Variants in MAPK8IP3 observed in about 807,000 individuals in gnomAD.
MAPK8IP3 encodes the protein mitogen-activated protein kinase 8 interacting protein 3.
A neutral mutation model predicts 157.8 loss-of-function variants in MAPK8IP3; 49 were observed. That is an observed-to-expected ratio of 0.31 (90% confidence interval 0.25 to 0.39). The LOEUF (loss-of-function observed/expected upper bound fraction) is 0.39, where lower values mean the gene tolerates loss of function less well. Among genes scored for constraint, MAPK8IP3 ranks in the 10% least tolerant of loss-of-function variants. MAPK8IP3 has a pLI of 1.00. For synonymous variants in MAPK8IP3, 897 were observed against 777.7 expected, an observed-to-expected ratio of 1.15 and a Z score of -2.55; for missense variants, 1,478 against 1,889.4, an observed-to-expected ratio of 0.78 and a Z score of 4.04.
intron 10 of MAPK8IP3, among the ~76,000 whole-genome samples, chr16:1,759,539 C>T (rs1384303168): frequency 1.3e-5 from 2 of 152,196 alleles, no homozygotes; most frequent in Non-Finnish European, 2.9e-5. Flanking sequence ...CCCATCGCCG[C>T]ACCCCAGCCC....
chr16:1,726,865 G>A (rs1038390994), intron 2 of MAPK8IP3, among the ~76,000 whole-genome samples: 8 of 152,236 alleles, frequency 5.3e-5, no homozygotes, highest in Non-Finnish European at 8.8e-5. Context: ...GGCCACAGCC[G>A]TTGCCGGGGT....
chr16:1,737,331 TCCGTGTGAGC>T (rs2040036401), intron 4 of MAPK8IP3, among the ~76,000 whole-genome samples: 1 of 101,774 alleles, frequency 9.8e-6, no homozygotes, highest in Admixed American at 9.8e-5. Flanking sequence ...CGTGTGAGCA[TCCGTGTGAGC>T]GTGACCGTCC....
chr16:1,763,915 G>A (rs1360189235), intron 17 of MAPK8IP3, 132 bp downstream of exon 17: 3 of 1,050,144 alleles, frequency 2.9e-6, no homozygotes, highest in Non-Finnish European at 4.0e-6. Context: ...GTGGGGCGGG[G>A]CCTGGCAGGT....
intron 4 of MAPK8IP3, among the ~76,000 whole-genome samples, chr16:1,729,794 C>T (rs985580178): frequency 1.1e-4 from 16 of 152,116 alleles, no homozygotes; most frequent in African/African-American, 3.6e-4. Flanking sequence ...ATGTGTCGAG[C>T]CCGTGTGTCC....
intron 4 of MAPK8IP3, among the ~76,000 whole-genome samples, chr16:1,730,675 C>A (rs2039248829): frequency 1.3e-5 from 2 of 152,122 alleles, no homozygotes; most frequent in African/African-American, 4.8e-5. Flanking sequence ...AACCCCATCT[C>A]TACTAAAAAT....
intron 4 of MAPK8IP3, among the ~76,000 whole-genome samples, chr16:1,738,499 C>G (rs373974969): frequency 2.0e-5 from 2 of 100,760 alleles, no homozygotes; most frequent in African/African-American, 8.4e-5. Context: ...TGTGACCGTC[C>G]GTGTGTGTGA....
rs142305896 is a variant in MAPK8IP3, at chr16:1,754,589, T to C, written c.1217-3559T>C. 5.0e-3 allele frequency among the ~76,000 whole-genome samples: 767 copies of C among 152,206 alleles called. 2 individuals are homozygous for C. The highest frequency in any genetic ancestry group is 0.014 in the Middle Eastern group (4 of 294). ...GAGTTCGAGACCACTCTGGCCGACG[T>C]GGTGAAACCCCATCTCTACTAAAAA... On this transcript the variant is annotated intron_variant, in intron 8 of 31. Transcript: ENST00000610761.
In MAPK8IP3 at chr16:1,741,444, A is replaced by G. The variant is rs911086842; in HGVS notation, c.603-1888A>G. ...GGAGCTGTGTGGGTGGGAGAGCCGT[A>G]CATGCATTCCCTTGGCCTCCTGGGA... On this transcript the variant is annotated intron_variant, in intron 4 of 31. Coordinates refer to ENST00000610761, the MANE Select transcript of MAPK8IP3 (RefSeq NM_001318852.2). The surrounding 1 kb of genome is among the most constrained non-coding windows in gnomAD (Gnocchi z 6.9). Among the ~76,000 whole-genome samples, 1 of 152,124 alleles carries G rather than the reference A, an allele frequency of 6.6e-6. No individual in the cohort carries two copies. Among genetic ancestry groups the G allele is most frequent in the Non-Finnish European group, 1.5e-5 (1 of 68,006 alleles).
In MAPK8IP3 at chr16:1,767,852, G is replaced by A. The variant is rs1184065160; in HGVS notation, c.3457G>A (p.Val1153Ile). 1.9e-6 allele frequency: 3 copies of A among 1,611,410 alleles called. No homozygotes were observed. The highest frequency in any genetic ancestry group is 2.5e-6 in the Non-Finnish European group (3 of 1,179,930). ...CTTCGTACGCATCACGGCCCTGCTT[G>A]TCGCGGGCAGCCGGCTCTGGGTGGG... ...FSFVRITALL[V>I]AGSRLWVGTG... The change falls in exon 28 of 32, where the codon GTC becomes ATC. Residue 1153 changes from valine to isoleucine, a missense_variant. Val to Ile is a conservative substitution (Grantham distance 29). This residue lies in a region of MAPK8IP3 where 68 missense variants were observed against 125.1 expected (regional missense o/e 0.54). Transcript: ENST00000610761.
At chr16:1,721,102 C>A (rs2038488822) in intron 1 of MAPK8IP3, among the ~76,000 whole-genome samples, 1 of 151,540 alleles carries the variant, frequency 6.6e-6, no homozygotes, top group South Asian at 2.1e-4. Flanking sequence ...CTTGGGAAGG[C>A]CGAGGCGGGT....
At position 1,710,262 on chromosome 16, in the gene MAPK8IP3, A is replaced by G. The variant is rs1304100968; in HGVS notation, c.318+3605A>G. ...CTCCTCATCTCAGGTCAGGAGTTTG[A>G]GACCAGCCTGGCGAACCTGGCGAAA... On this transcript the variant is annotated intron_variant, in intron 1 of 31. Coordinates refer to ENST00000610761, the MANE Select transcript of MAPK8IP3 (RefSeq NM_001318852.2). The surrounding 1 kb of genome is among the most constrained non-coding windows in gnomAD (Gnocchi z 4.1). Among the ~76,000 whole-genome samples the G allele has an allele frequency of 6.6e-6, 1 of 151,444 alleles. No homozygotes were observed. The highest frequency in any genetic ancestry group is 2.4e-5 in the African/African-American group (1 of 41,206).
At chr16:1,730,477 C>T (rs535379937) in intron 4 of MAPK8IP3, among the ~76,000 whole-genome samples, 11 of 151,916 alleles carry the variant, frequency 7.2e-5, no homozygotes, top group African/African-American at 1.7e-4. Context: ...CAGTGGCTCA[C>T]GCCTGTCATT....
intron 5 of MAPK8IP3, chr16:1,744,669 G>T (rs887729160): frequency 4.1e-6 from 4 of 985,414 alleles, no homozygotes; most frequent in Non-Finnish European, 2.4e-6. Context: ...AGCCTCAGCC[G>T]GGGGGAGCCC....
chr16:1,747,282 G>T lies in MAPK8IP3; in HGVS notation c.994+7G>T. 2 of 1,610,888 alleles carry T rather than the reference G, an allele frequency of 1.2e-6. No individual in the cohort carries two copies. Among genetic ancestry groups the T allele is most frequent in the Non-Finnish European group, 1.7e-6 (2 of 1,178,064 alleles). On this transcript the variant is annotated splice_region_variant and intron_variant, in intron 6 of 31. Transcript: ENST00000610761. ...ATGCGCAACGTCAGTATAGGTGGGTGCCCACCTCCGGGACTCTGGGCTCCC... is the reference window on the plus strand; with the variant it reads ...ATGCGCAACGTCAGTATAGGTGGGTTCCCACCTCCGGGACTCTGGGCTCCC...
chr16:1,735,882 CTG>C (rs746484115), intron 4 of MAPK8IP3, among the ~76,000 whole-genome samples: 1 of 128,878 alleles, frequency 7.8e-6, no homozygotes, highest in African/African-American at 3.0e-5. Flanking sequence ...CATGGAGCAT[CTG>C]TGTGACTGTC....
rs552565548 is a variant in MAPK8IP3, at chr16:1,749,489, C to T, written c.1216+769C>T. Among the ~76,000 whole-genome samples the T allele has an allele frequency of 3.9e-5, 6 of 152,056 alleles. No individual in the cohort carries two copies. In the South Asian group the frequency reaches 1.2e-3, roughly 31 times the overall value. ...GCAGACAGCCCTGGCTTCACCTCAGCGCCACAGGTCTACACCGGACCCCTG... is the reference window on the plus strand; with the variant it reads ...GCAGACAGCCCTGGCTTCACCTCAGTGCCACAGGTCTACACCGGACCCCTG... On this transcript the variant is annotated intron_variant, in intron 8 of 31. Coordinates refer to ENST00000610761, the MANE Select transcript of MAPK8IP3 (RefSeq NM_001318852.2).
rs745912362 is a variant in MAPK8IP3, at chr16:1,764,448, GAGA to G, written c.2278_2280del (p.Lys760del). ...GCCCAAGAGCGCCCACACGTCTCCC[GAGA>G]AGAAGAAGGTGAGCATGGCCGAGGC... On this transcript the variant is annotated inframe_deletion, in exon 19 of 32. Transcript: ENST00000610761. 9.0e-5 allele frequency: 144 copies of G among 1,608,476 alleles called. No individual in the cohort carries two copies. Among genetic ancestry groups the G allele is most frequent in the Middle Eastern group, 8.8e-4 (4 of 4,554 alleles).
intron 4 of MAPK8IP3, among the ~76,000 whole-genome samples, chr16:1,736,731 TGAGC>T (rs1243169701): frequency 9.6e-5 from 7 of 73,238 alleles, no homozygotes; most frequent in South Asian, 8.2e-4. Context: ...ACCGTCCGTG[TGAGC>T]GTGTGACCAT....
Position 1,729,205 on chromosome 16 carries a change from A to G in MAPK8IP3, c.507A>G (p.Thr169=), listed in dbSNP as rs2039118794. 1 of 1,613,732 alleles carries G rather than the reference A, an allele frequency of 6.2e-7. No individual in the cohort carries two copies. Among genetic ancestry groups the G allele is most frequent in the Admixed American group, 1.7e-5 (1 of 60,014 alleles). Residue 169 remains threonine (T), a synonymous_variant, in exon 3 of 32, where the codon ACA becomes ACG. Transcript: ENST00000610761. The part of the protein sequence containing the change: ...KEYNALHQRH[T]EMIQTYVEHI... ...ACAATGCCCTGCACCAGCGGCACAC[A>G]GAGGTGGGCGCCCAGAGGCAAGCGC...
Sources: allele counts gnomAD v4.1 joint callset (sites outside exome capture counted in the v4.1 genomes callset), GRCh38; gene constraint gnomAD v4.1.1; regional missense constraint gnomAD v4.1.1; non-coding constraint Gnocchi (gnomAD v3.1); transcripts MANE v1.5; gene names NCBI Gene and HGNC (gene_info 2026-07-23, HGNC 2026-07-21).